Variants in REPS1 observed in about 807,000 individuals in gnomAD.
REPS1 encodes ralBP1-associated Eps domain-containing protein 1.
Under a neutral mutation model 100.9 loss-of-function variants are expected in REPS1, and 39 were observed. The observed-to-expected ratio is 0.39, with a 90% confidence interval of 0.30 to 0.50. The LOEUF is 0.50. Ranked by LOEUF, REPS1 falls within the 20% of genes least tolerant of loss-of-function variation. The probability of loss-of-function intolerance (pLI) is 0.86; values close to 1 mark genes in which losing one functional copy is unlikely to be tolerated. For missense variants in REPS1, 821 were observed against 968.5 expected (o/e 0.85, Z 2.02); for synonymous variants, 324 against 340.3 (o/e 0.95, Z 0.53).
intron 2 of REPS1, among the ~76,000 whole-genome samples, 193 bp downstream of exon 2, chr6:138,947,597 G>A (rs1008097709): frequency 9.2e-5 from 14 of 151,998 alleles, no homozygotes; most frequent in East Asian, 1.9e-4. Flanking sequence ...ATACTATGCC[G>A]TAATACAGGT....
chr6:138,904,741 T>A lies in REPS1; in HGVS notation c.*323A>T, dbSNP rs1452295801. 3 of 188,116 alleles carry A rather than the reference T, an allele frequency of 1.6e-5. No homozygotes were observed. The highest frequency in any genetic ancestry group is 3.3e-5 in the Non-Finnish European group (3 of 91,922). The allele number at this position is 188,116 out of a possible 1,614,324, so 11.7% of individuals were successfully genotyped here. A position where few individuals can be genotyped will look rare whatever the true frequency, so the allele number is the denominator to read the frequency against. On this transcript the variant is annotated 3_prime_UTR_variant, in exon 20 of 20. Transcript: ENST00000450536. ...TTTATTTCTGAGTCTGTGACTGAGA[T>A]GTAAATGAGGAGCCCATTCTATAAA... is the stretch of plus-strand genomic sequence containing the variant.
At position 138,987,828 on chromosome 6, in the gene REPS1, C is replaced by A. The variant is rs979219611; in HGVS notation, c.-146G>T. The A allele has an allele frequency of 2.0e-6, 2 of 1,020,772 alleles. No individual in the cohort carries two copies. The highest frequency in any genetic ancestry group is 4.2e-5 in the Admixed American group (1 of 23,934). The allele number at this position is 1,020,772 out of a possible 1,614,324, so 63.2% of individuals were successfully genotyped here. ...GCCCCGGCCTCACACGCGCCAGGTG[C>A]GCCCGAGCAACAGGGCCCGGAGGTC... On this transcript the variant is annotated 5_prime_UTR_variant, in exon 1 of 20. Transcript: ENST00000450536.
chr6:138,948,192 AAC>A (rs1317262496), intron 1 of REPS1, among the ~76,000 whole-genome samples: 1 of 152,182 alleles, frequency 6.6e-6, no homozygotes, highest in Non-Finnish European at 1.5e-5. Flanking sequence ...TTTTTAAAGA[AAC>A]AACGTACCAC....
chr6:138,954,621 G>A (rs1181509313), intron 1 of REPS1, among the ~76,000 whole-genome samples: 1 of 152,094 alleles, frequency 6.6e-6, no homozygotes, highest in Non-Finnish European at 1.5e-5. Flanking sequence ...TGGGCTGCAG[G>A]CTGGACAAGC....
chr6:138,951,558 T>A (rs898499413), intron 1 of REPS1, among the ~76,000 whole-genome samples: 50 of 152,182 alleles, frequency 3.3e-4, no homozygotes, highest in African/African-American at 1.2e-3. Flanking sequence ...GCATACATAA[T>A]CTTTGCCGTG....
Position 138,907,556 on chromosome 6 carries a change from C to G in REPS1, c.2261G>C (p.Arg754Pro). ...CAAAACGGTGTTGGTTTCCTTATTA[C>G]GTCTAATTGATGCCTGAATAGCTTT... ...DKKAIQASIR[R>P]NKETNTVLAR... The change falls in exon 19 of 20, where the codon CGT (arginine) becomes CCT (proline). Residue 754 changes from arginine (R) to proline (P), a missense_variant. Coordinates refer to ENST00000450536, the MANE Select transcript of REPS1 (RefSeq NM_001286611.2). 6.2e-7 allele frequency: 1 copy of G among 1,613,572 alleles called. No individual in the cohort carries two copies. Among genetic ancestry groups the G allele is most frequent in the South Asian group, 1.1e-5 (1 of 91,060 alleles).
At chr6:138,934,138 C>A in intron 8 of REPS1, 1 of 265,688 alleles carries the variant, frequency 3.8e-6, no homozygotes, top group South Asian at 3.5e-5. Context: ...CAAATAAGTA[C>A]TCCAACAAAG....
At chr6:138,971,110 A>G (rs534549466) in intron 1 of REPS1, among the ~76,000 whole-genome samples, 1 of 152,200 alleles carries the variant, frequency 6.6e-6, no homozygotes, top group South Asian at 2.1e-4. Context: ...TAGGGAAGTA[A>G]AAGATTTCTC....
intron 4 of REPS1, among the ~76,000 whole-genome samples, chr6:138,944,865 T>A (rs1037943790): frequency 6.6e-6 from 1 of 152,222 alleles, no homozygotes; most frequent in African/African-American, 2.4e-5. Flanking sequence ...CTTTAGAGAA[T>A]CTGGTATCCA....
Position 138,905,086 on chromosome 6 carries a change from A to C in REPS1, c.2369T>G (p.Leu790Arg). ...RISLEVQLEQLRPFSHL is the reference protein window; with the variant it reads ...RISLEVQLEQRRPFSHL ...GGCTTATAGGTGAGAGAATGGTCGAAGTTGTTCCAGTTGAACTTCCAGGGA... is the reference window on the plus strand; with the variant it reads ...GGCTTATAGGTGAGAGAATGGTCGACGTTGTTCCAGTTGAACTTCCAGGGA... Residue 790 changes from leucine to arginine, a missense_variant, in exon 20 of 20, where the codon CTT (leucine) becomes CGT (arginine). By Grantham distance (102) the Leu-to-Arg change is moderately radical. This residue lies in a region of REPS1 where 757 missense variants were observed against 866.4 expected (regional missense o/e 0.87). Coordinates refer to ENST00000450536, the MANE Select transcript of REPS1 (RefSeq NM_001286611.2). 2 of 1,613,924 alleles carry C rather than the reference A, an allele frequency of 1.2e-6. No individual in the cohort carries two copies. Among genetic ancestry groups the C allele is most frequent in the Non-Finnish European group, 1.7e-6 (2 of 1,179,844 alleles).
At chr6:138,979,554 A>G (rs1477665985) in intron 1 of REPS1, among the ~76,000 whole-genome samples, 2 of 152,180 alleles carry the variant, frequency 1.3e-5, no homozygotes, top group Non-Finnish European at 2.9e-5. Context: ...GAAGTTACTA[A>G]TAACTTCCAG....
chr6:138,941,340 G>C lies in REPS1; in HGVS notation c.1130C>G (p.Ser377Ter). The part of the protein sequence containing the change: ...LMPKLIDLED[S>*]ADVGDQPGEV... Reference sequence around the variant, plus strand: ...TCTTCAGCTCCCAATCTTACCTGCTGAATCTTCCAAATCAATCAGTTTGGG... The same window carrying C: ...TCTTCAGCTCCCAATCTTACCTGCTCAATCTTCCAAATCAATCAGTTTGGG... Residue 377 changes from serine (S) to a stop codon, truncating the protein, a stop_gained, in exon 8 of 20, where the codon TCA (serine) becomes TGA (stop). Coordinates refer to ENST00000450536, the MANE Select transcript of REPS1 (RefSeq NM_001286611.2). LOFTEE classifies it high-confidence loss of function. 1 of 1,613,864 alleles carries C rather than the reference G, an allele frequency of 6.2e-7. No homozygotes were observed. The highest frequency in any genetic ancestry group is 8.5e-7 in the Non-Finnish European group (1 of 1,179,936).
At chr6:138,979,895 A>G (rs944292112) in intron 1 of REPS1, among the ~76,000 whole-genome samples, 1 of 152,292 alleles carries the variant, frequency 6.6e-6, no homozygotes. Flanking sequence ...CTTCAAACTG[A>G]CATCTCTAAG....
At chr6:138,947,238 A>C (rs1364411695) in intron 2 of REPS1, among the ~76,000 whole-genome samples, 2 of 152,156 alleles carry the variant, frequency 1.3e-5, no homozygotes, top group South Asian at 4.1e-4. Context: ...AAAATGGACT[A>C]ATACAAACTT....
intron 2 of REPS1, among the ~76,000 whole-genome samples, chr6:138,946,061 G>C (rs1021966264): frequency 6.6e-6 from 1 of 152,170 alleles, no homozygotes; most frequent in Non-Finnish European, 1.5e-5. Context: ...ATGATGCCAA[G>C]GTCATGCTTG....
At chr6:138,916,872 C>T (rs1424195352) in intron 13 of REPS1, among the ~76,000 whole-genome samples, 1 of 152,108 alleles carries the variant, frequency 6.6e-6, no homozygotes, top group African/African-American at 2.4e-5. Flanking sequence ...GAGTAAAATC[C>T]AAGATGACTG....
chr6:138,981,202 T>C (rs1784931247), intron 1 of REPS1, among the ~76,000 whole-genome samples: 1 of 152,124 alleles, frequency 6.6e-6, no homozygotes, highest in African/African-American at 2.4e-5. Flanking sequence ...ATAAATTCTG[T>C]CTTCATTATT....
intron 8 of REPS1, among the ~76,000 whole-genome samples, chr6:138,938,311 C>T (rs1781994887): frequency 6.6e-6 from 1 of 152,158 alleles, no homozygotes; most frequent in African/African-American, 2.4e-5. Flanking sequence ...TATAGAAAGC[C>T]TAGCATGTTA....
chr6:138,909,873 T>C (rs1316539490), intron 17 of REPS1, among the ~76,000 whole-genome samples: 6 of 152,168 alleles, frequency 3.9e-5, no homozygotes. Context: ...ACACACACAG[T>C]GTCCAGAAAG....
Sources: gnomAD v4.1 joint callset for allele counts (sites outside exome capture counted in the v4.1 genomes callset) on GRCh38, gnomAD v4.1.1 for gene constraint, gnomAD v4.1.1 regional missense constraint, MANE v1.5 for transcripts, NCBI Gene and HGNC (gene_info 2026-07-23, HGNC 2026-07-21) for gene names.